PACRG: variants seen among roughly 807,000 people sequenced by gnomAD.
The protein encoded by PACRG is parkin coregulated, also known as parkin coregulated gene protein.
Under a neutral mutation model 29.7 loss-of-function variants are expected in PACRG, and 29 were observed. The ratio of observed to expected loss-of-function variants is 0.98; its 90% CI spans 0.73 to 1.33. The LOEUF (loss-of-function observed/expected upper bound fraction) is 1.33. Ranked by LOEUF, PACRG falls within the 40% of genes most tolerant of loss-of-function variation. The pLI, the probability that PACRG is intolerant of heterozygous loss-of-function variation, is 0.00. For synonymous variants in PACRG, 116 were observed against 118.7 expected (o/e 0.98, Z 0.15); for missense variants, 279 against 316.2 (o/e 0.88, Z 0.89).
intron 3 of PACRG, among the ~76,000 whole-genome samples, chr6:163,080,042 G>A (rs2128290181): frequency 6.6e-6 from 1 of 151,686 alleles, no homozygotes; most frequent in East Asian, 1.9e-4. Flanking sequence ...GAAACTACAG[G>A]TGCCCGCCAC....
intron 2 of PACRG, among the ~76,000 whole-genome samples, chr6:162,839,034 A>G (rs1049290435): frequency 7.6e-6 from 1 of 131,836 alleles, no homozygotes; most frequent in Non-Finnish European, 1.6e-5. Context: ...GCTATTGTGA[A>G]TAATGCTGCA....
intron 2 of PACRG, among the ~76,000 whole-genome samples, chr6:162,881,394 C>A (rs569010705): frequency 6.6e-6 from 1 of 152,218 alleles, no homozygotes; most frequent in African/African-American, 2.4e-5. Flanking sequence ...GTATTAATGT[C>A]CCCAATCCGG....
intron 4 of PACRG, among the ~76,000 whole-genome samples, chr6:163,153,376 T>A (rs879103411): frequency 6.6e-6 from 1 of 152,216 alleles, no homozygotes; most frequent in Admixed American, 6.5e-5. Context: ...TCCACCTTAT[T>A]CTGGAAATTC....
intron 1 of PACRG, among the ~76,000 whole-genome samples, chr6:162,813,901 GAC>G (rs1052510791): frequency 5.3e-5 from 8 of 152,050 alleles, no homozygotes; most frequent in Admixed American, 2.0e-4. Flanking sequence ...TATTTTAAGA[GAC>G]ATTTTCTAGG....
At chr6:163,212,783 C>CTT (rs34101369) in intron 4 of PACRG, among the ~76,000 whole-genome samples, 93 of 144,156 alleles carry the variant, frequency 6.5e-4, no homozygotes, top group African/African-American at 1.7e-3. Flanking sequence ...AACTGATAAT[C>CTT]TTTTTTTTTT....
intron 1 of PACRG, among the ~76,000 whole-genome samples, chr6:162,813,379 G>C (rs1178531905): frequency 6.6e-6 from 1 of 151,970 alleles, no homozygotes; most frequent in Non-Finnish European, 1.5e-5. Context: ...TTTCTAAATA[G>C]TTTACTTACT....
chr6:162,752,808 CAT>C (rs1270338296), intron 1 of PACRG, among the ~76,000 whole-genome samples: 1 of 152,162 alleles, frequency 6.6e-6, no homozygotes, highest in East Asian at 1.9e-4. Context: ...ATATGTGTGA[CAT>C]AGTCTAAATA....
At chr6:162,984,785 T>G (rs1397142474) in intron 2 of PACRG, among the ~76,000 whole-genome samples, 1 of 152,074 alleles carries the variant, frequency 6.6e-6, no homozygotes, top group East Asian at 1.9e-4. Context: ...TTTCATATGC[T>G]TGGTTTTCCA....
intron 2 of PACRG, among the ~76,000 whole-genome samples, chr6:162,850,576 C>G (rs1246622441): frequency 2.6e-5 from 4 of 152,096 alleles, no homozygotes; most frequent in East Asian, 3.9e-4. Context: ...TGTAATGAAG[C>G]CTTCATAAAC....
intron 2 of PACRG, among the ~76,000 whole-genome samples, chr6:162,958,908 G>A (rs1410304996): frequency 7.6e-6 from 1 of 131,950 alleles, no homozygotes. Context: ...GAGAGAGAGA[G>A]AGAGAGAGAG....
chr6:162,876,062 A>G (rs1010676300), intron 2 of PACRG, among the ~76,000 whole-genome samples: 1 of 152,122 alleles, frequency 6.6e-6, no homozygotes, highest in Non-Finnish European at 1.5e-5. Context: ...CCCCTCCTCC[A>G]TGCTAAAACC....
In PACRG at chr6:163,089,280, G is replaced by A. The variant is rs1192881334; in HGVS notation, c.485G>A (p.Arg162Gln). 17 of 1,613,572 alleles carry A rather than the reference G, an allele frequency of 1.1e-5. No homozygotes were observed. Among genetic ancestry groups the A allele is most frequent in the Middle Eastern group, 1.6e-4 (1 of 6,078 alleles). The change falls in exon 4 of 5, where the codon CGA becomes CAA. Residue 162 changes from arginine (R) to glutamine (Q), a missense_variant. Physicochemically the swap from Arg to Gln is conservative, Grantham distance 43 (BLOSUM62 1). Transcript: ENST00000366888. ...ATAGATGCCTTGAACCTCCGAAACC[G>A]ACAGGTCATCTGTGTCACTCTCAAG... is the stretch of plus-strand genomic sequence containing the variant. ...PIKNALNLRN[R>Q]QVICVTLKVL...
At chr6:163,271,581 G>A (rs936942334) in intron 4 of PACRG, among the ~76,000 whole-genome samples, 1 of 152,184 alleles carries the variant, frequency 6.6e-6, no homozygotes, top group East Asian at 1.9e-4. Flanking sequence ...ATAACATCAG[G>A]TGCCCCAACA....
chr6:163,023,340 C>A (rs1166112410), intron 2 of PACRG, among the ~76,000 whole-genome samples: 1 of 152,124 alleles, frequency 6.6e-6, no homozygotes, highest in African/African-American at 2.4e-5. Flanking sequence ...GTTTTCTGTT[C>A]CTGTGTTAAT....
intron 4 of PACRG, among the ~76,000 whole-genome samples, chr6:163,215,774 G>T (rs912749539): frequency 2.0e-5 from 3 of 152,136 alleles, no homozygotes; most frequent in East Asian, 1.9e-4. Flanking sequence ...AGAGGAAAAG[G>T]CTTGAGAATG....
At position 162,835,671 on chromosome 6, in the gene PACRG, T is replaced by G. The variant is rs537679117; in HGVS notation, c.291+21390T>G. 3.3e-5 allele frequency among the ~76,000 whole-genome samples: 5 copies of G among 151,982 alleles called. No individual in the cohort carries two copies. The East Asian group carries it at 5.8e-4, about 18-fold the overall frequency. On this transcript the variant is annotated intron_variant, in intron 2 of 4. Transcript: ENST00000366888. ...TATCCTAAGCAGAGAAAATCTGTGGTTTTTTTTGTTGTGTGGTGTTATATA... is the reference window on the plus strand; with the variant it reads ...TATCCTAAGCAGAGAAAATCTGTGGGTTTTTTTGTTGTGTGGTGTTATATA...
At chr6:162,959,402 T>C (rs182417371) in intron 2 of PACRG, among the ~76,000 whole-genome samples, 4 of 152,122 alleles carry the variant, frequency 2.6e-5, no homozygotes, top group Non-Finnish European at 5.9e-5. Context: ...CCACACGCAC[T>C]CTGTGGAGGA....
chr6:163,066,001 A>C (rs1314253784), intron 3 of PACRG, among the ~76,000 whole-genome samples: 4 of 152,210 alleles, frequency 2.6e-5, no homozygotes, highest in Non-Finnish European at 5.9e-5. Context: ...GAGCGACAGG[A>C]ATAGCAATCA....
chr6:162,814,698 G>C (rs1412805702), intron 2 of PACRG, among the ~76,000 whole-genome samples: 2 of 152,086 alleles, frequency 1.3e-5, no homozygotes, highest in Admixed American at 1.3e-4. Context: ...GATAGGTCAA[G>C]ATTGTCTGCT....
Sources: allele counts gnomAD v4.1 joint callset (sites outside exome capture counted in the v4.1 genomes callset), GRCh38; gene constraint gnomAD v4.1.1; transcripts MANE v1.5; gene names NCBI Gene and HGNC (gene_info 2026-07-23, HGNC 2026-07-21).